ZDBF2: variants seen among roughly 807,000 people sequenced by gnomAD.
ZDBF2 encodes zinc finger DBF-type containing 2.
A neutral mutation model predicts 9.4 loss-of-function variants in ZDBF2; 6 were observed. That is an observed-to-expected ratio of 0.64 (90% CI 0.35 to 1.27). The LOEUF is 1.27. Among genes scored for constraint, ZDBF2 ranks in the 50% most tolerant of loss-of-function variants. The pLI, the probability that ZDBF2 is intolerant of heterozygous loss-of-function variation, is 0.03. For missense variants in ZDBF2, 2,697 were observed against 2,766.8 expected, an observed-to-expected ratio of 0.97 and a Z score of 0.57; for synonymous variants, 905 against 946.3, an observed-to-expected ratio of 0.96 and a Z score of 0.80.
At chr2:206,297,611 T>TAAAAC (rs1318297637) in intron 4 of ZDBF2, among the ~76,000 whole-genome samples, 2 of 152,206 alleles carry the variant, frequency 1.3e-5, no homozygotes, top group African/African-American at 4.8e-5. Flanking sequence ...AATAATTATA[T>TAAAAC]ATCATTAAGA....
At position 206,306,390 on chromosome 2, in the gene ZDBF2, G is replaced by A; in HGVS notation, c.1862G>A (p.Ser621Asn). The change falls in exon 5 of 5, where the codon AGT (serine) becomes AAT (asparagine). Residue 621 changes from serine to asparagine, a missense_variant. Around this residue, in one of 3 missense-constraint regions of ZDBF2, gnomAD observed 910 missense variants for 973.6 expected, o/e 0.93. Transcript: ENST00000374423. ...HLKHKKRKPS[S>N]AKAHLDCDVS... ...AAACATAAGAAGCGTAAACCCAGTA[G>A]TGCTAAAGCACATCTTGATTGTGAT... 6.2e-7 allele frequency: 1 copy of A among 1,613,818 alleles called. No homozygotes were observed. The highest frequency in any genetic ancestry group is 8.5e-7 in the Non-Finnish European group (1 of 1,179,812).
intron 4 of ZDBF2, among the ~76,000 whole-genome samples, chr2:206,300,036 G>C (rs186802315): frequency 6.6e-6 from 1 of 152,108 alleles, no homozygotes; most frequent in Admixed American, 6.5e-5. Flanking sequence ...TTGAACCCTG[G>C]AGGCGGAGGT....
chr2:206,305,660 C>T lies in ZDBF2; in HGVS notation c.1132C>T (p.Pro378Ser). 1 of 1,613,630 alleles carries T rather than the reference C, an allele frequency of 6.2e-7. No homozygotes were observed. Among genetic ancestry groups the T allele is most frequent in the Non-Finnish European group, 8.5e-7 (1 of 1,179,776 alleles). ...CISLQSASDQPQETAQDLSLW... is the reference protein window; with the variant it reads ...CISLQSASDQSQETAQDLSLW... The stretch of plus-strand genomic sequence containing the variant: ...CTCTCTTCAGTCAGCATCTGATCAG[C>T]CCCAAGAGACTGCACAAGACTTAAG... The change falls in exon 5 of 5, where the codon CCC becomes TCC. Residue 378 changes from proline (P) to serine (S), a missense_variant. By Grantham distance (74) the Pro-to-Ser change is moderately conservative. Around this residue, in one of 3 missense-constraint regions of ZDBF2, gnomAD observed 910 missense variants for 973.6 expected, o/e 0.93. Coordinates refer to ENST00000374423, the MANE Select transcript of ZDBF2 (RefSeq NM_020923.3).
chr2:206,275,753 C>G (rs562584533), intron 1 of ZDBF2, among the ~76,000 whole-genome samples: 46 of 152,274 alleles, frequency 3.0e-4, no homozygotes, highest in African/African-American at 1.1e-3. Context: ...CGATCTCATC[C>G]TCGAGAGAAT....
intron 1 of ZDBF2, among the ~76,000 whole-genome samples, chr2:206,276,674 A>G (rs1053816603): frequency 6.6e-6 from 1 of 152,236 alleles, no homozygotes; most frequent in African/African-American, 2.4e-5. Context: ...CTGCAACAAG[A>G]TACCTCTTTT....
rs1291130770 is a variant in ZDBF2 at position 206,274,885 on chromosome 2, C to G, written c.-164C>G. The G allele has an allele frequency of 1.3e-5, 2 of 151,914 alleles. No individual in the cohort carries two copies. Among genetic ancestry groups the G allele is most frequent in the African/African-American group, 2.4e-5 (1 of 41,412 alleles). 9.4% of individuals were successfully genotyped at this position (151,914 alleles called of 1,614,324 possible). On this transcript the variant is annotated 5_prime_UTR_variant, in exon 1 of 5. Coordinates refer to ENST00000374423, the MANE Select transcript of ZDBF2 (RefSeq NM_020923.3). ...GCGGAACCGGAATAAGAAGGGAGAG[C>G]GCCCGGCTCGGTCCTCGGTCTCCAC...
Position 206,305,593 on chromosome 2 carries a change from A to G in ZDBF2, c.1065A>G (p.Glu355=), listed in dbSNP as rs1692740263. ...HLVFNKTAFW[E]QKCSVSSEMK... The stretch of plus-strand genomic sequence containing the variant: ...TTTTTAACAAGACAGCCTTTTGGGA[A>G]CAGAAGTGCTCAGTGAGTTCTGAAA... Residue 355 remains glutamate (E), a synonymous_variant, in exon 5 of 5, where the codon GAA becomes GAG. Transcript: ENST00000374423. 2.5e-6 allele frequency: 4 copies of G among 1,613,844 alleles called. No individual in the cohort carries two copies. Among genetic ancestry groups the G allele is most frequent in the Middle Eastern group, 1.6e-4 (1 of 6,062 alleles).
At position 206,291,453 on chromosome 2, in the gene ZDBF2, T is replaced by C. The variant is rs1202382899; in HGVS notation, c.61-5793T>C. ...CAGTTCCTAGCAGGCCACAGACCAA[T>C]ACCTAACAGCCCTTCTCACTGTGTC... On this transcript the variant is annotated intron_variant, in intron 3 of 4. Coordinates refer to ENST00000374423, the MANE Select transcript of ZDBF2 (RefSeq NM_020923.3). Among the ~76,000 whole-genome samples the C allele has an allele frequency of 2.6e-5, 4 of 152,282 alleles. No homozygotes were observed. In the East Asian group the frequency reaches 7.7e-4, roughly 29 times the overall value.
In ZDBF2 at chr2:206,305,001, G is replaced by A. The variant is rs1282778986; in HGVS notation, c.473G>A (p.Ser158Asn). ...GAGTTTGTTCATAAAATTGGGGCCA[G>A]TGTGAGAAAATGTAACCTAGTAGAT... ...PLEFVHKIGA[S>N]VRKCNLVDIG... The change falls in exon 5 of 5, where the codon AGT (serine) becomes AAT (asparagine). Residue 158 changes from serine to asparagine, a missense_variant. Physicochemically the swap from Ser to Asn is conservative, Grantham distance 46 (BLOSUM62 1). Coordinates refer to ENST00000374423, the MANE Select transcript of ZDBF2 (RefSeq NM_020923.3). 4 of 1,613,576 alleles carry A rather than the reference G, an allele frequency of 2.5e-6. No homozygotes were observed. In the African/African-American group the frequency reaches 5.3e-5, roughly 22 times the overall value.
chr2:206,290,990 G>T (rs1559138151), intron 3 of ZDBF2, among the ~76,000 whole-genome samples: 1 of 152,136 alleles, frequency 6.6e-6, no homozygotes, highest in Non-Finnish European at 1.5e-5. Flanking sequence ...AGCCTAATTT[G>T]CTAAGTGTTT....
intron 3 of ZDBF2, among the ~76,000 whole-genome samples, chr2:206,282,161 T>C (rs2105900182): frequency 6.6e-6 from 1 of 152,264 alleles, no homozygotes; most frequent in African/African-American, 2.4e-5. Flanking sequence ...TGCGTGAGAT[T>C]GTGATAAATG....
At chr2:206,279,622 C>T (rs2105895319) in intron 2 of ZDBF2, 30 bp downstream of exon 2, 1 of 152,114 alleles carries the variant, frequency 6.6e-6, no homozygotes, top group Admixed American at 6.5e-5. Flanking sequence ...ATAAAAATAT[C>T]AGGTTCTAGG....
rs1463920079 is a variant in ZDBF2, at chr2:206,312,737, T to G, written c.*1144T>G. Reference sequence around the variant, plus strand: ...CCTACCATATCAGTTTTTAATAACTTGAACTGAAATTATTGGCTTGGTAAT... The same window carrying G: ...CCTACCATATCAGTTTTTAATAACTGGAACTGAAATTATTGGCTTGGTAAT... On this transcript the variant is annotated 3_prime_UTR_variant, in exon 5 of 5. Coordinates refer to ENST00000374423, the MANE Select transcript of ZDBF2 (RefSeq NM_020923.3). 6.6e-6 allele frequency: 1 copy of G among 152,202 alleles called. No individual in the cohort carries two copies. Among genetic ancestry groups the G allele is most frequent in the Non-Finnish European group, 1.5e-5 (1 of 68,032 alleles). The allele number at this position is 152,202 out of a possible 1,614,324, so 9.4% of individuals were successfully genotyped here. A position where few individuals can be genotyped will look rare whatever the true frequency, so the allele number is the denominator to read the frequency against.
At chr2:206,304,674 A>C (rs1692670034) in intron 4 of ZDBF2, 43 bp from the exon 5 acceptor site, 2 of 1,542,488 alleles carry the variant, frequency 1.3e-6, no homozygotes, top group Non-Finnish European at 1.7e-6. Context: ...TATTTTAAAC[A>C]GACATTAGAA....
Position 206,314,198 on chromosome 2 carries a change from C to T in ZDBF2, c.*2605C>T, listed in dbSNP as rs1461665567. On this transcript the variant is annotated 3_prime_UTR_variant, in exon 5 of 5. Coordinates refer to ENST00000374423, the MANE Select transcript of ZDBF2 (RefSeq NM_020923.3). The stretch of plus-strand genomic sequence containing the variant: ...GAGTTCTACAGTATGTGAACAATAT[C>T]GTGTGAAGTGTGTTTTTGCATTTGT... 1 of 147,226 alleles carries T rather than the reference C, an allele frequency of 6.8e-6. No individual in the cohort carries two copies. The highest frequency in any genetic ancestry group is 1.5e-5 in the Non-Finnish European group (1 of 67,230). 9.1% of individuals were successfully genotyped at this position (147,226 alleles called of 1,614,324 possible). A position where few individuals can be genotyped will look rare whatever the true frequency, so the allele number is the denominator to read the frequency against.
intron 3 of ZDBF2, among the ~76,000 whole-genome samples, chr2:206,288,396 G>GCAGC (rs1691707762): frequency 6.6e-6 from 1 of 152,232 alleles, no homozygotes; most frequent in African/African-American, 2.4e-5. Flanking sequence ...GGCAGTGGCA[G>GCAGC]CAGCATAGGC....
chr2:206,281,780 A>G (rs764387000), intron 2 of ZDBF2, 21 bp from the exon 3 acceptor site: 4 of 1,450,520 alleles, frequency 2.8e-6, no homozygotes, highest in Non-Finnish European at 2.9e-6. Context: ...GATTTTTACC[A>G]TTTTTCTTTT....
chr2:206,279,546 G>T lies in ZDBF2; in HGVS notation c.-96G>T, dbSNP rs1320316049. On this transcript the variant is annotated 5_prime_UTR_variant, in exon 2 of 5. Transcript: ENST00000374423. ...ATTTTATTTTAATTTACAGATACTT[G>T]CCAGAACTAATACAGCTGATGAAAT... 6.6e-6 allele frequency: 1 copy of T among 152,028 alleles called. No homozygotes were observed. The highest frequency in any genetic ancestry group is 1.5e-5 in the Non-Finnish European group (1 of 68,028). 9.4% of individuals were successfully genotyped at this position (152,028 alleles called of 1,614,324 possible).
intron 4 of ZDBF2, among the ~76,000 whole-genome samples, chr2:206,300,561 G>A (rs560611276): frequency 6.6e-5 from 10 of 152,146 alleles, no homozygotes; most frequent in African/African-American, 2.4e-4. Context: ...TAATGTTGCC[G>A]TGTCATTTTG....
Sources: allele counts gnomAD v4.1 joint callset (sites outside exome capture counted in the v4.1 genomes callset), GRCh38; gene constraint gnomAD v4.1.1; regional missense constraint gnomAD v4.1.1; transcripts MANE v1.5; gene names NCBI Gene and HGNC (gene_info 2026-07-23, HGNC 2026-07-21).